The following ARHGAP39 variants were observed in gnomAD, a reference collection of about 807,000 sequenced individuals.
ARHGAP39 encodes rho GTPase-activating protein 39.
Under a neutral mutation model 106.9 loss-of-function variants are expected in ARHGAP39, and 44 were observed. The ratio of observed to expected loss-of-function variants is 0.41; its 90% CI spans 0.32 to 0.53. ARHGAP39 has a LOEUF of 0.53. Ranked by LOEUF, ARHGAP39 falls within the 20% of genes least tolerant of loss-of-function variation. The pLI is 0.21. For missense variants in ARHGAP39, 1,496 were observed against 1,577.3 expected (o/e 0.95, Z 0.87); for synonymous variants, 768 against 693.2 (o/e 1.11, Z -1.69).
At chr8:144,574,471 C>T (rs548667262) in intron 3 of ARHGAP39, among the ~76,000 whole-genome samples, 17 of 152,216 alleles carry the variant, frequency 1.1e-4, no homozygotes, top group African/African-American at 3.4e-4. Context: ...CAGATCGAGA[C>T]CATCCTGGCT....
At chr8:144,643,860 A>T (rs1051106315) in intron 1 of ARHGAP39, among the ~76,000 whole-genome samples, 3 of 152,168 alleles carry the variant, frequency 2.0e-5, no homozygotes, top group Admixed American at 6.5e-5. Context: ...TAGAAAGTCT[A>T]TTTTGCTATT....
At chr8:144,534,040 AC>A in intron 8 of ARHGAP39, 88 bp downstream of exon 8, 2 of 1,466,852 alleles carry the variant, frequency 1.4e-6, no homozygotes, top group Admixed American at 1.7e-5. Context: ...GCTGCCCCAT[AC>A]CAAACTGCAG....
intron 3 of ARHGAP39, among the ~76,000 whole-genome samples, chr8:144,577,590 C>A (rs958458358): frequency 2.0e-5 from 3 of 152,208 alleles, no homozygotes; most frequent in Admixed American, 2.0e-4. Context: ...GTTAGACTAT[C>A]ACTAACCACA....
At chr8:144,555,710 C>T (rs1817892012) in intron 3 of ARHGAP39, 67 bp from the exon 4 acceptor site, 2 of 1,410,214 alleles carry the variant, frequency 1.4e-6, no homozygotes, top group Admixed American at 1.7e-5. Flanking sequence ...CAGCCACTCC[C>T]TGACTTAAGA....
chr8:144,558,086 A>C (rs1818012748), intron 3 of ARHGAP39, among the ~76,000 whole-genome samples: 1 of 152,200 alleles, frequency 6.6e-6, no homozygotes, highest in Non-Finnish European at 1.5e-5. Flanking sequence ...CACCTTTATT[A>C]AAGCAACAGT....
In ARHGAP39 at chr8:144,655,751, T is replaced by C. The variant is rs527364126; in HGVS notation, c.-82+29935A>G. Among the ~76,000 whole-genome samples, 61 of 152,264 alleles carry C rather than the reference T, an allele frequency of 4.0e-4. 1 individual carries two copies. The South Asian group carries it at 0.013, about 32-fold the overall frequency. On this transcript the variant is annotated intron_variant, in intron 1 of 11. Coordinates refer to ENST00000377307, the MANE Select transcript of ARHGAP39 (RefSeq NM_025251.3). ...TTCTTCCTGGATGCAGGACAAGAAC[T>C]TGGGCAAAGGCGCCACTAGCCACCG...
chr8:144,608,033 C>T (rs1427787109), intron 1 of ARHGAP39, among the ~76,000 whole-genome samples: 2 of 151,478 alleles, frequency 1.3e-5, no homozygotes, highest in South Asian at 2.1e-4. Flanking sequence ...AGCATGTGCC[C>T]GAAATCCCAG....
upstream of ARHGAP39, among the ~76,000 whole-genome samples, chr8:144,690,496 T>G (rs938461151): frequency 6.6e-6 from 1 of 152,186 alleles, no homozygotes; most frequent in Non-Finnish European, 1.5e-5. Flanking sequence ...TTTTTTACAG[T>G]AGTCATCCTA....
intron 3 of ARHGAP39, among the ~76,000 whole-genome samples, chr8:144,558,529 G>A (rs1259032224): frequency 1.3e-5 from 2 of 152,008 alleles, no homozygotes; most frequent in African/African-American, 4.8e-5. Context: ...CTGACATCAG[G>A]TGATCCACCT....
In ARHGAP39 at chr8:144,530,480, G is replaced by C; in HGVS notation, c.3287C>G (p.Ser1096Cys). The C allele has an allele frequency of 6.2e-7, 1 of 1,611,752 alleles. No homozygotes were observed. Among genetic ancestry groups the C allele is most frequent in the South Asian group, 1.1e-5 (1 of 90,850 alleles). ...GTGCTGGATGAGCACCCGCAGGAAG[G>C]ACATCTCCTTGCGGGTGTTCTCGAA... ...VIFENTRKEM[S>C]FLRVLIQHLD... Residue 1096 changes from serine (S) to cysteine (C), a missense_variant, in exon 12 of 12, where the codon TCC becomes TGC. Coordinates refer to ENST00000377307, the MANE Select transcript of ARHGAP39 (RefSeq NM_025251.3).
chr8:144,692,577 G>A, the ARHGAP39 span, among the ~76,000 whole-genome samples: 1 of 152,112 alleles, frequency 6.6e-6, no homozygotes, highest in Non-Finnish European at 1.5e-5. Flanking sequence ...GTGCTCAATG[G>A]GGGCTGTGGA....
At chr8:144,553,249 G>A (rs1421414814) in intron 4 of ARHGAP39, among the ~76,000 whole-genome samples, 5 of 152,176 alleles carry the variant, frequency 3.3e-5, no homozygotes, top group East Asian at 1.9e-4. Flanking sequence ...CCAGCTTGCC[G>A]TGGCAGGCCC....
At position 144,646,100 on chromosome 8, in the gene ARHGAP39, C is replaced by T. The variant is rs763275589; in HGVS notation, c.-82+39586G>A. Among the ~76,000 whole-genome samples the T allele has an allele frequency of 6.6e-6, 1 of 152,350 alleles. No individual in the cohort carries two copies. Among genetic ancestry groups the T allele is most frequent in the African/African-American group, 2.4e-5 (1 of 41,576 alleles). On this transcript the variant is annotated intron_variant, in intron 1 of 11. Coordinates refer to ENST00000377307, the MANE Select transcript of ARHGAP39 (RefSeq NM_025251.3). The surrounding 1 kb of genome is among the most constrained non-coding windows in gnomAD (Gnocchi z 5.7). ...AGCTGCACTGGTCACCCCTCCCCAC[C>T]GGTGGCACCAAATGTCCGCCAGCAA...
chr8:144,562,283 C>T (rs559914091), intron 3 of ARHGAP39, among the ~76,000 whole-genome samples: 22 of 151,396 alleles, frequency 1.5e-4, no homozygotes, highest in African/African-American at 5.1e-4. Flanking sequence ...TGGTTTCCAT[C>T]GTGCTCCAGT....
At chr8:144,673,352 T>A (rs1822150122) in intron 1 of ARHGAP39, among the ~76,000 whole-genome samples, 1 of 152,224 alleles carries the variant, frequency 6.6e-6, no homozygotes, top group East Asian at 1.9e-4. Context: ...TGTTCTCTTC[T>A]GAAAAATCCT....
chr8:144,541,406 C>CT (rs1397346018), intron 6 of ARHGAP39, among the ~76,000 whole-genome samples: 11 of 152,326 alleles, frequency 7.2e-5, no homozygotes, highest in South Asian at 4.1e-4. Flanking sequence ...AAATTTACCA[C>CT]TTTAACCATT....
At chr8:144,699,575 G>T in the ARHGAP39 span, among the ~76,000 whole-genome samples, 7 of 141,696 alleles carry the variant, frequency 4.9e-5, no homozygotes, top group Non-Finnish European at 9.2e-5. Flanking sequence ...GGCTTAGGGG[G>T]CTGGTGGGCT....
In ARHGAP39 at chr8:144,591,958, C is replaced by A. The variant is rs940619544; in HGVS notation, c.81-10681G>T. ...AGGGAGTGGTGCCTGATCTCCTGTT[C>A]TCGCGTCACTTCTGTTAGATTTTAG... On this transcript the variant is annotated intron_variant, in intron 2 of 11. Coordinates refer to ENST00000377307, the MANE Select transcript of ARHGAP39 (RefSeq NM_025251.3). This position sits in a 1 kb window ranked among gnomAD's most constrained non-coding sequence, Gnocchi z 5.3. 9.2e-5 allele frequency among the ~76,000 whole-genome samples: 14 copies of A among 152,146 alleles called. No homozygotes were observed. The highest frequency in any genetic ancestry group is 1.5e-5 in the Non-Finnish European group (1 of 68,022).
chr8:144,555,780 T>G (rs1451062582), intron 3 of ARHGAP39, 137 bp from the exon 4 acceptor site: 1 of 736,176 alleles, frequency 1.4e-6, no homozygotes, highest in African/African-American at 1.7e-5. Context: ...CAGGCTGTAT[T>G]CTTCATCTTC....
Sources: gnomAD v4.1 joint callset for allele counts (sites outside exome capture counted in the v4.1 genomes callset) on GRCh38, gnomAD v4.1.1 for gene constraint, Gnocchi (gnomAD v3.1) non-coding constraint, MANE v1.5 for transcripts, NCBI Gene and HGNC (gene_info 2026-07-23, HGNC 2026-07-21) for gene names.